UMAD1: variants seen among roughly 807,000 people sequenced by gnomAD.
The protein encoded by UMAD1 is UBAP1-MVB12-associated (UMA)-domain containing protein 1.
Under a neutral mutation model 6.1 loss-of-function variants are expected in UMAD1, and 8 were observed. The observed-to-expected ratio is 1.30, with a 90% CI of 0.76 to 2.35. The LOEUF (loss-of-function observed/expected upper bound fraction) is 2.35, where lower values mean the gene tolerates loss of function less well. Among genes scored for constraint, UMAD1 ranks in the 30% most tolerant of loss-of-function variants. The probability of loss-of-function intolerance (pLI) is 0.00; values close to 1 mark genes in which losing one functional copy is unlikely to be tolerated. For synonymous variants in UMAD1, 56 were observed against 31.4 expected (o/e 1.78, Z -2.61); for missense variants, 130 against 78.4 (o/e 1.66, Z -2.49).
intron 2 of UMAD1, among the ~76,000 whole-genome samples, chr7:7,761,479 G>C (rs1464428300): frequency 6.6e-6 from 1 of 151,852 alleles, no homozygotes; most frequent in Admixed American, 6.6e-5. Context: ...AATTATTAAA[G>C]ATATGTCTTT....
At chr7:7,846,869 A>T (rs1783792701) in intron 3 of UMAD1, among the ~76,000 whole-genome samples, 1 of 125,778 alleles carries the variant, frequency 8.0e-6, no homozygotes, top group Non-Finnish European at 1.6e-5. Context: ...GATCACATGG[A>T]CACAGGAAGG....
At chr7:7,756,822 T>G (rs774997617) in intron 2 of UMAD1, among the ~76,000 whole-genome samples, 5 of 152,206 alleles carry the variant, frequency 3.3e-5, no homozygotes, top group African/African-American at 4.8e-5. Flanking sequence ...AGAGTTACAG[T>G]CTGCTCAGAA....
chr7:7,872,889 A>G (rs1214613749), intron 3 of UMAD1, among the ~76,000 whole-genome samples: 1 of 152,236 alleles, frequency 6.6e-6, no homozygotes, highest in African/African-American at 2.4e-5. Flanking sequence ...ACATTTACAC[A>G]TGAGATTAAG....
rs1345888020 is a variant in UMAD1, at chr7:7,877,990, A to T, written c.*452A>T. On this transcript the variant is annotated 3_prime_UTR_variant, in exon 4 of 4. Transcript: ENST00000682710. Reference sequence around the variant, plus strand: ...TTTCTTCCACAGTGTTTATGAATGAATTCAGAAAAAAAGTTGCCAGTTAGC... The same window carrying T: ...TTTCTTCCACAGTGTTTATGAATGATTTCAGAAAAAAAGTTGCCAGTTAGC... 6.3e-6 allele frequency: 1 copy of T among 158,592 alleles called. No individual in the cohort carries two copies. The highest frequency in any genetic ancestry group is 1.4e-5 in the Non-Finnish European group (1 of 72,010). 9.8% of individuals were successfully genotyped at this position (158,592 alleles called of 1,614,324 possible).
intron 2 of UMAD1, chr7:7,742,037 C>G (rs1781479522): frequency 1.2e-5 from 6 of 490,612 alleles, no homozygotes; most frequent in South Asian, 1.7e-5. Flanking sequence ...TGAGACAGTT[C>G]CATTGTACAG....
intron 3 of UMAD1, among the ~76,000 whole-genome samples, chr7:7,852,139 A>G (rs1299321348): frequency 6.6e-6 from 1 of 152,182 alleles, no homozygotes; most frequent in African/African-American, 2.4e-5. Flanking sequence ...TTCTTTCCAC[A>G]TTGAATGGTC....
At chr7:7,764,850 A>G (rs185147131) in intron 2 of UMAD1, among the ~76,000 whole-genome samples, 1 of 152,166 alleles carries the variant, frequency 6.6e-6, no homozygotes, top group East Asian at 1.9e-4. Context: ...TGACTGCTTT[A>G]CTTCTGATCT....
chr7:7,798,242 G>A (rs920056019), intron 2 of UMAD1, among the ~76,000 whole-genome samples: 5 of 152,094 alleles, frequency 3.3e-5, no homozygotes, highest in South Asian at 2.1e-4. Flanking sequence ...CCAACCCCTC[G>A]TCTAAAATAT....
chr7:7,838,321 T>C (rs1563248494), intron 3 of UMAD1, among the ~76,000 whole-genome samples: 1 of 152,062 alleles, frequency 6.6e-6, no homozygotes, highest in East Asian at 1.9e-4. Flanking sequence ...AGAGTAAAAA[T>C]TAGTGAGGGA....
Position 7,847,896 on chromosome 7 carries a change from C to G in UMAD1, c.157-29385C>G, listed in dbSNP as rs1783840727. On this transcript the variant is annotated intron_variant, in intron 3 of 3. Coordinates refer to ENST00000682710, the MANE Select transcript of UMAD1 (RefSeq NM_001302348.2). ...GAAACCATTATCTATACCCATTTGGCCAAATTTCTCAAAGCCACTTGGTTT... is the reference window on the plus strand; with the variant it reads ...GAAACCATTATCTATACCCATTTGGGCAAATTTCTCAAAGCCACTTGGTTT... Among the ~76,000 whole-genome samples, 5 of 152,086 alleles carry G rather than the reference C, an allele frequency of 3.3e-5. No homozygotes were observed. In the South Asian group the frequency reaches 1.0e-3, roughly 31 times the overall value.
intron 2 of UMAD1, among the ~76,000 whole-genome samples, chr7:7,675,800 G>A (rs141742601): frequency 4.3e-4 from 65 of 152,270 alleles, no homozygotes; most frequent in Non-Finnish European, 4.9e-4. Context: ...AATTTGCAGT[G>A]CAGCTGGTGC....
In UMAD1 at chr7:7,746,673, A is replaced by G. The variant is rs188478692; in HGVS notation, c.83-54997A>G. Among the ~76,000 whole-genome samples, 101 of 152,400 alleles carry G rather than the reference A, an allele frequency of 6.6e-4. 1 individual carries two copies. Among genetic ancestry groups the G allele is most frequent in the Middle Eastern group, 3.4e-3 (1 of 294 alleles). On this transcript the variant is annotated intron_variant, in intron 2 of 3. Transcript: ENST00000682710. ...CTTCCCTAGAGGAAGAATAAAAAAC[A>G]TATGAGACAAATAGCAGCAACTGAA...
rs11974817 is a variant in UMAD1 at position 7,830,577 on chromosome 7, A to C, written c.156+28834A>C. Among the ~76,000 whole-genome samples the C allele has an allele frequency of 6.6e-6, 1 of 151,786 alleles. No homozygotes were observed. The highest frequency in any genetic ancestry group is 1.5e-5 in the Non-Finnish European group (1 of 67,962). The stretch of plus-strand genomic sequence containing the variant: ...TCTGGGTGCCCAAAAACTGTGAGCC[A>C]ACTTCAAAGTGTGGAAACCACAGTC... On this transcript the variant is annotated intron_variant, in intron 3 of 3. Coordinates refer to ENST00000682710, the MANE Select transcript of UMAD1 (RefSeq NM_001302348.2). This position sits in a 1 kb window ranked among gnomAD's most constrained non-coding sequence, Gnocchi z 5.3.
At chr7:7,693,981 G>T (rs187635265) in intron 2 of UMAD1, among the ~76,000 whole-genome samples, 45 of 152,216 alleles carry the variant, frequency 3.0e-4, no homozygotes, top group African/African-American at 9.6e-4. Flanking sequence ...ATTATTGTCA[G>T]TTGTTCTGGA....
Position 7,864,010 on chromosome 7 carries a change from C to T in UMAD1, c.157-13271C>T, listed in dbSNP as rs73061223. On this transcript the variant is annotated intron_variant, in intron 3 of 3. Transcript: ENST00000682710. ...TCTGGTCTTTGTCTCTGGTTCCTGA[C>T]ACTGAGCTTCTAGAACACTTTGAAT... Among the ~76,000 whole-genome samples, 631 of 152,336 alleles carry T rather than the reference C, an allele frequency of 4.1e-3. 12 individuals are homozygous for T. Among genetic ancestry groups the T allele is most frequent in the Non-Finnish European group, 5.7e-3 (388 of 68,032 alleles).
In UMAD1 at chr7:7,646,515, G is replaced by T. The variant is rs184873257; in HGVS notation, c.-64+5694G>T. Among the ~76,000 whole-genome samples, 736 of 123,918 alleles carry T rather than the reference G, an allele frequency of 5.9e-3. 4 individuals carry two copies. Among genetic ancestry groups the T allele is most frequent in the African/African-American group, 0.022 (688 of 31,186 alleles). 81.3% of individuals were successfully genotyped at this position (123,918 alleles called of 152,430 possible). A position where few individuals can be genotyped will look rare whatever the true frequency, so the allele number is the denominator to read the frequency against. On this transcript the variant is annotated intron_variant, in intron 1 of 3. Transcript: ENST00000682710. ...TTTTTTTTTTTTTTTTAATTCTCTC[G>T]TCTGACACCATGTAAGACGTACCTT...
At chr7:7,645,027 C>T (rs1785063116) in intron 1 of UMAD1, among the ~76,000 whole-genome samples, 1 of 151,972 alleles carries the variant, frequency 6.6e-6, no homozygotes, top group Non-Finnish European at 1.5e-5. Context: ...TAGATTTATT[C>T]CTAGATACCT....
chr7:7,819,395 T>C (rs1783198757), intron 3 of UMAD1, among the ~76,000 whole-genome samples: 2 of 152,160 alleles, frequency 1.3e-5, no homozygotes, highest in South Asian at 4.1e-4. Flanking sequence ...TTGTAGGTAA[T>C]TACTAGAAGA....
chr7:7,808,704 A>AT (rs1379605043), intron 3 of UMAD1, among the ~76,000 whole-genome samples: 1 of 151,908 alleles, frequency 6.6e-6, no homozygotes, highest in Non-Finnish European at 1.5e-5. Context: ...ACTGAGGGAT[A>AT]TTTTTATTTA....
Sources: gnomAD v4.1 joint callset for allele counts (sites outside exome capture counted in the v4.1 genomes callset) on GRCh38, gnomAD v4.1.1 for gene constraint, Gnocchi (gnomAD v3.1) non-coding constraint, MANE v1.5 for transcripts, NCBI Gene and HGNC (gene_info 2026-07-23, HGNC 2026-07-21) for gene names.